The following MCOLN2 variants were observed in gnomAD, a reference collection of about 807,000 sequenced individuals.
MCOLN2 encodes mucolipin TRP cation channel 2.
A neutral mutation model predicts 67.5 loss-of-function variants in MCOLN2; 57 were observed. The ratio of observed to expected loss-of-function variants is 0.84; its 90% CI spans 0.68 to 1.05. The LOEUF (loss-of-function observed/expected upper bound fraction) is 1.05, where lower values mean the gene tolerates loss of function less well. Among genes scored for constraint, MCOLN2 ranks in the 50% least tolerant of loss-of-function variants. MCOLN2 has a pLI of 0.00. For synonymous variants in MCOLN2, 246 were observed against 233.3 expected, an observed-to-expected ratio of 1.05 and a Z score of -0.50; for missense variants, 620 against 678.8, an observed-to-expected ratio of 0.91 and a Z score of 0.96.
intron 13 of MCOLN2, 95 bp from the exon 14 acceptor site, chr1:84,926,816 T>A (rs777930183): frequency 2.6e-4 from 220 of 851,202 alleles, no homozygotes; most frequent in Non-Finnish European, 3.4e-4. Context: ...GGCCCGTAGA[T>A]TATAGACATG....
chr1:84,940,295 G>A (rs1456056299), intron 8 of MCOLN2, among the ~76,000 whole-genome samples: 2 of 152,162 alleles, frequency 1.3e-5, no homozygotes, highest in African/African-American at 2.4e-5. Context: ...GGTACTCTGT[G>A]GACTTCCAAT....
chr1:84,931,063 C>G (rs1466735816), intron 12 of MCOLN2, among the ~76,000 whole-genome samples: 1 of 152,122 alleles, frequency 6.6e-6, no homozygotes, highest in Non-Finnish European at 1.5e-5. Flanking sequence ...TTCCAGGCAG[C>G]CACACTGGCA....
chr1:84,981,860 C>A (rs541322203), intron 1 of MCOLN2, among the ~76,000 whole-genome samples: 3 of 152,040 alleles, frequency 2.0e-5, no homozygotes, highest in Admixed American at 6.6e-5. Context: ...GGAATGAATA[C>A]CCCATTTTCC....
intron 6 of MCOLN2, among the ~76,000 whole-genome samples, chr1:84,947,467 C>T (rs2102827430): frequency 6.6e-6 from 1 of 152,276 alleles, no homozygotes; most frequent in Non-Finnish European, 1.5e-5. Flanking sequence ...AGCAAGGCAC[C>T]CTGCCTCTGC....
rs542933162 is a variant in MCOLN2 at position 84,958,418 on chromosome 1, A to G, written c.411+111T>C. On this transcript the variant is annotated intron_variant, in intron 3 of 13. Coordinates refer to ENST00000370608, the MANE Select transcript of MCOLN2 (RefSeq NM_153259.4). ...AATAAACATTTTTTGGCAGACTGCA[A>G]AACTTACATTAGAATATTTTAACAT... 1.0e-5 allele frequency: 9 copies of G among 868,158 alleles called. No homozygotes were observed. In the Admixed American group the frequency reaches 2.7e-4, roughly 26 times the overall value. The allele number at this position is 868,158 out of a possible 1,614,324, so 53.8% of individuals were successfully genotyped here. A position where few individuals can be genotyped will look rare whatever the true frequency, so the allele number is the denominator to read the frequency against.
chr1:84,927,040 TG>T (rs994996134), intron 13 of MCOLN2, among the ~76,000 whole-genome samples: 15 of 107,710 alleles, frequency 1.4e-4, no homozygotes, highest in African/African-American at 5.5e-4. Context: ...GGGGAAATGT[TG>T]GGGGGTAGGG....
intron 7 of MCOLN2, among the ~76,000 whole-genome samples, chr1:84,946,278 C>T (rs1648100292): frequency 6.6e-6 from 1 of 152,104 alleles, no homozygotes; most frequent in Non-Finnish European, 1.5e-5. Context: ...TGTATGTATA[C>T]CCTTATTTCT....
intron 3 of MCOLN2, among the ~76,000 whole-genome samples, chr1:84,957,054 G>T (rs1015140564): frequency 6.6e-6 from 1 of 151,982 alleles, no homozygotes; most frequent in Non-Finnish European, 1.5e-5. Flanking sequence ...AAGGAAAATT[G>T]CAAACATATA....
At chr1:84,971,254 T>C (rs12042018) in intron 1 of MCOLN2, among the ~76,000 whole-genome samples, 20,356 of 152,054 alleles carry the variant, frequency 0.13, 1,669 homozygotes, top group East Asian at 0.26. Flanking sequence ...AAAGAGTTGA[T>C]AATGAATAAT....
chr1:84,930,673 T>C (rs1055352448), intron 12 of MCOLN2, among the ~76,000 whole-genome samples: 3 of 152,154 alleles, frequency 2.0e-5, no homozygotes, highest in Non-Finnish European at 4.4e-5. Flanking sequence ...TTCTTCTGCA[T>C]TATTCTGAGA....
At chr1:84,975,874 A>G (rs537068002) in intron 1 of MCOLN2, among the ~76,000 whole-genome samples, 2 of 152,256 alleles carry the variant, frequency 1.3e-5, no homozygotes, top group East Asian at 3.9e-4. Flanking sequence ...GAGCTGAAAA[A>G]TGCAATTGGC....
intron 7 of MCOLN2, among the ~76,000 whole-genome samples, chr1:84,946,350 C>A (rs1006238228): frequency 1.3e-5 from 2 of 152,156 alleles, no homozygotes; most frequent in African/African-American, 4.8e-5. Context: ...CATTTTCTTC[C>A]TTTTCCCATA....
At chr1:84,943,497 C>A (rs1423855933) in intron 7 of MCOLN2, among the ~76,000 whole-genome samples, 2 of 152,044 alleles carry the variant, frequency 1.3e-5, no homozygotes, top group Non-Finnish European at 2.9e-5. Flanking sequence ...CAAACAGAAC[C>A]AGGGACAGGC....
chr1:84,940,131 C>T (rs762676021), intron 8 of MCOLN2, among the ~76,000 whole-genome samples: 1 of 151,678 alleles, frequency 6.6e-6, no homozygotes, highest in Non-Finnish European at 1.5e-5. Flanking sequence ...CAAATATGAG[C>T]CCCCTCACCT....
chr1:84,995,653 T>C (rs575099328), intron 1 of MCOLN2, among the ~76,000 whole-genome samples: 4 of 152,312 alleles, frequency 2.6e-5, no homozygotes, highest in African/African-American at 9.6e-5. Flanking sequence ...AGGTTTCACT[T>C]CACTGACAGA....
intron 7 of MCOLN2, among the ~76,000 whole-genome samples, chr1:84,943,634 G>A (rs779514880): frequency 3.3e-5 from 5 of 152,132 alleles, no homozygotes; most frequent in Non-Finnish European, 5.9e-5. Flanking sequence ...ACTGGCATGA[G>A]TGTCTGAGGG....
At chr1:84,987,424 C>A (rs534592091) in intron 1 of MCOLN2, among the ~76,000 whole-genome samples, 15,454 of 110,470 alleles carry the variant, frequency 0.14, 1,070 homozygotes, top group East Asian at 0.22. Context: ...ATGTATATAC[C>A]TATATACGTA....
At position 84,996,852 on chromosome 1, in the gene MCOLN2, A is replaced by G; in HGVS notation, c.21T>C (p.Arg7=). Residue 7 remains arginine (R), a synonymous_variant, in exon 1 of 14, where the codon CGT becomes CGC. Transcript: ENST00000370608. MARQPY[R]FPQARIPERG... The stretch of plus-strand genomic sequence containing the variant: ...TCTCCGGAATCCTTGCCTGGGGAAA[A>G]CGATAAGGCTGCCGGGCCATGCCTC... The G allele has an allele frequency of 1.2e-6, 2 of 1,614,068 alleles. No homozygotes were observed. The highest frequency in any genetic ancestry group is 1.7e-6 in the Non-Finnish European group (2 of 1,179,992).
chr1:84,928,809 G>A (rs1661275297), intron 13 of MCOLN2, among the ~76,000 whole-genome samples: 1 of 152,148 alleles, frequency 6.6e-6, no homozygotes, highest in Admixed American at 6.5e-5. Context: ...ACAGAAAAAT[G>A]CATCCTGTGG....
Sources: gnomAD v4.1 joint callset for allele counts (sites outside exome capture counted in the v4.1 genomes callset) on GRCh38, gnomAD v4.1.1 for gene constraint, MANE v1.5 for transcripts, NCBI Gene and HGNC (gene_info 2026-07-23, HGNC 2026-07-21) for gene names.